Variants in ATG3 observed in about 807,000 individuals in gnomAD.
The protein encoded by ATG3 is autophagy related 3.
A neutral mutation model predicts 50.7 loss-of-function variants in ATG3; 25 were observed. The observed-to-expected ratio is 0.49, with a 90% CI of 0.36 to 0.69. The LOEUF is 0.69. ATG3 is among the 30% of genes least tolerant of loss of function. ATG3 has a pLI of 0.00. For missense variants in ATG3, 281 were observed against 376.0 expected, an observed-to-expected ratio of 0.75 and a Z score of 2.09; for synonymous variants, 119 against 125.5, an observed-to-expected ratio of 0.95 and a Z score of 0.34.
At chr3:112,560,610 T>G (rs1027664409) in intron 1 of ATG3, among the ~76,000 whole-genome samples, 1 of 152,070 alleles carries the variant, frequency 6.6e-6, no homozygotes, top group African/African-American at 2.4e-5. Flanking sequence ...AAGCAAGAAC[T>G]TCCCATTAAT....
In ATG3 at chr3:112,541,783, C is replaced by G. The variant is rs2107373711; in HGVS notation, c.475+20G>C. On this transcript the variant is annotated intron_variant, in intron 7 of 11. Transcript: ENST00000283290. Reference sequence around the variant, plus strand: ...AATCAATATTCTAGTGGAACTGAAGCAAATCTAGAACAGGAATACCTTCCA... The same window carrying G: ...AATCAATATTCTAGTGGAACTGAAGGAAATCTAGAACAGGAATACCTTCCA... 5 of 1,587,760 alleles carry G rather than the reference C, an allele frequency of 3.1e-6. No individual in the cohort carries two copies. The highest frequency in any genetic ancestry group is 4.3e-6 in the Non-Finnish European group (5 of 1,161,210).
Position 112,541,783 on chromosome 3 carries a change from C to CA in ATG3, c.475+19dup. The CA allele has an allele frequency of 6.3e-7, 1 of 1,587,760 alleles. No individual in the cohort carries two copies. The highest frequency in any genetic ancestry group is 8.6e-7 in the Non-Finnish European group (1 of 1,161,210). On this transcript the variant is annotated intron_variant, in intron 7 of 11. Coordinates refer to ENST00000283290, the MANE Select transcript of ATG3 (RefSeq NM_022488.5). ...AATCAATATTCTAGTGGAACTGAAG[C>CA]AAATCTAGAACAGGAATACCTTCCA...
At chr3:112,544,234 G>A in intron 5 of ATG3, 128 bp from the exon 6 acceptor site, 2 of 696,178 alleles carry the variant, frequency 2.9e-6, no homozygotes, top group South Asian at 2.2e-5. Flanking sequence ...AATAATAGTA[G>A]TATCTTTACA....
At chr3:112,557,098 C>A (rs1025616225) in intron 2 of ATG3, among the ~76,000 whole-genome samples, 6 of 151,104 alleles carry the variant, frequency 4.0e-5, no homozygotes, top group African/African-American at 1.5e-4. Context: ...TGTGTCTTCA[C>A]CAAAAACAAA....
rs1933132119 is a variant in ATG3, at chr3:112,538,315, G to C, written c.476-135C>G. ...TGTTTTTAAGTGAAGATATTGAATAGATAGATATAAGTGAGCTAATTCTAT... is the reference window on the plus strand; with the variant it reads ...TGTTTTTAAGTGAAGATATTGAATACATAGATATAAGTGAGCTAATTCTAT... On this transcript the variant is annotated intron_variant, in intron 7 of 11. Transcript: ENST00000283290. 7 of 660,014 alleles carry C rather than the reference G, an allele frequency of 1.1e-5. No homozygotes were observed. The South Asian group carries it at 1.3e-4, about 12-fold the overall frequency. 40.9% of individuals were successfully genotyped at this position (660,014 alleles called of 1,614,324 possible).
chr3:112,549,508 A>G (rs1240691225), intron 4 of ATG3, among the ~76,000 whole-genome samples: 1 of 152,222 alleles, frequency 6.6e-6, no homozygotes, highest in African/African-American at 2.4e-5. Context: ...AACTTCATAA[A>G]TAAAACACTA....
At chr3:112,560,687 TAAAAG>T (rs1402752267) in intron 1 of ATG3, among the ~76,000 whole-genome samples, 2 of 152,010 alleles carry the variant, frequency 1.3e-5, no homozygotes, top group African/African-American at 4.8e-5. Context: ...AAAAGAGTTA[TAAAAG>T]AAAAGCTTGA....
chr3:112,553,322 G>A lies in ATG3; in HGVS notation c.122C>T (p.Ala41Val). ...GTGGTGGACTAGGTGATCTCCAGCTGCCACAAACTATTCAGGATTTAAAAG... is the reference window on the plus strand; with the variant it reads ...GTGGTGGACTAGGTGATCTCCAGCTACCACAAACTATTCAGGATTTAAAAG... ...TGVITPEEFVAAGDHLVHHCP... is the reference protein window; with the variant it reads ...TGVITPEEFVVAGDHLVHHCP... Residue 41 changes from alanine (A) to valine (V), a missense_variant, in exon 3 of 12, where the codon GCA becomes GTA. By Grantham distance (64) the Ala-to-Val change is moderately conservative (BLOSUM62 0). Around this residue, in one of 3 missense-constraint regions of ATG3, gnomAD observed 17 missense variants for 48.2 expected, o/e 0.35. Coordinates refer to ENST00000283290, the MANE Select transcript of ATG3 (RefSeq NM_022488.5). 1 of 1,611,364 alleles carries A rather than the reference G, an allele frequency of 6.2e-7. No individual in the cohort carries two copies. Among genetic ancestry groups the A allele is most frequent in the South Asian group, 1.1e-5 (1 of 90,984 alleles).
intron 7 of ATG3, among the ~76,000 whole-genome samples, chr3:112,540,800 A>T (rs1933204714): frequency 6.6e-6 from 1 of 152,244 alleles, no homozygotes; most frequent in Admixed American, 6.5e-5. Context: ...GAATCAATGC[A>T]GAAAAGGTAA....
chr3:112,561,408 A>G (rs771727601), intron 1 of ATG3, 49 bp downstream of exon 1: 2 of 1,588,696 alleles, frequency 1.3e-6, no homozygotes, highest in Non-Finnish European at 1.7e-6. Context: ...TGGTCCCTGA[A>G]AAGTCGAGCA....
intron 9 of ATG3, 59 bp from the exon 10 acceptor site, chr3:112,536,661 C>G (rs1224938292): frequency 6.3e-7 from 1 of 1,580,922 alleles, no homozygotes; most frequent in Non-Finnish European, 8.6e-7. Flanking sequence ...GTGGCTCACG[C>G]CTGTAATCCC....
chr3:112,537,448 A>C (rs1256774590), intron 9 of ATG3: 5 of 213,318 alleles, frequency 2.3e-5, no homozygotes, highest in Non-Finnish European at 4.5e-5. Context: ...AATTTAATAA[A>C]ATAAACCAAG....
chr3:112,544,168 T>C (rs1007418188), intron 5 of ATG3, 62 bp from the exon 6 acceptor site: 18 of 1,328,820 alleles, frequency 1.4e-5, no homozygotes, highest in Non-Finnish European at 1.9e-5. Flanking sequence ...TATTTACTTA[T>C]TAAAGCAATA....
chr3:112,536,780 G>A (rs1026296869), intron 9 of ATG3, 178 bp from the exon 10 acceptor site: 16 of 533,210 alleles, frequency 3.0e-5, no homozygotes, highest in Non-Finnish European at 4.6e-5. Flanking sequence ...AATTAGCCGG[G>A]CAGGGTGGTG....
chr3:112,561,873 T>TA lies in ATG3; in HGVS notation c.-346_-345insT. On this transcript the variant is annotated 5_prime_UTR_variant, in exon 1 of 12. Transcript: ENST00000283290. ...CTCGCCCTCTGCGAGCTGTCTGTCCTCGCTTTGCTTCACTCGCGCCCCTTC... is the reference window on the plus strand; with the variant it reads ...CTCGCCCTCTGCGAGCTGTCTGTCCTACGCTTTGCTTCACTCGCGCCCCTTC... The TA allele has an allele frequency of 3.5e-6, 1 of 286,628 alleles. No homozygotes were observed. The highest frequency in any genetic ancestry group is 6.6e-6 in the Non-Finnish European group (1 of 152,062). The allele number at this position is 286,628 out of a possible 1,614,324, so 17.8% of individuals were successfully genotyped here.
intron 7 of ATG3, 93 bp downstream of exon 7, chr3:112,541,710 T>C: frequency 1.8e-6 from 2 of 1,140,898 alleles, no homozygotes; most frequent in Non-Finnish European, 2.6e-6. Context: ...ATGCTAAACT[T>C]ACAACTCAAT....
intron 5 of ATG3, among the ~76,000 whole-genome samples, chr3:112,547,940 T>C (rs1291718862): frequency 6.6e-6 from 1 of 152,244 alleles, no homozygotes; most frequent in Non-Finnish European, 1.5e-5. Context: ...CAAGAGACTG[T>C]AAAGCAAAGT....
Position 112,534,096 on chromosome 3 carries a change from A to T in ATG3, c.863+173T>A, listed in dbSNP as rs1414343144. On this transcript the variant is annotated intron_variant, in intron 11 of 11. Coordinates refer to ENST00000283290, the MANE Select transcript of ATG3 (RefSeq NM_022488.5). ...CATGTTCTAATCAACTAAGCAAGGC[A>T]TAACTATCACAATATAACATTTTCT... The T allele has an allele frequency of 4.4e-6, 6 of 1,364,838 alleles. No individual in the cohort carries two copies. In the South Asian group the frequency reaches 1.2e-4, roughly 27 times the overall value. The allele number at this position is 1,364,838 out of a possible 1,614,324, so 84.5% of individuals were successfully genotyped here.
At chr3:112,542,114 A>T (rs1007432250) in intron 6 of ATG3, among the ~76,000 whole-genome samples, 2 of 141,546 alleles carry the variant, frequency 1.4e-5, no homozygotes, top group African/African-American at 6.2e-5. Context: ...TGGGAGCAGT[A>T]AGAGTCATCT....
Sources: gnomAD v4.1 joint callset for allele counts (sites outside exome capture counted in the v4.1 genomes callset) on GRCh38, gnomAD v4.1.1 for gene constraint, gnomAD v4.1.1 regional missense constraint, MANE v1.5 for transcripts, NCBI Gene and HGNC (gene_info 2026-07-23, HGNC 2026-07-21) for gene names.